Variants in CGNL1 observed in about 807,000 individuals in gnomAD.
CGNL1 encodes the protein cingulin like 1, also known as cingulin-like protein 1.
Under a neutral mutation model 141.2 loss-of-function variants are expected in CGNL1, and 132 were observed. The observed-to-expected ratio is 0.93, with a 90% CI of 0.81 to 1.08. The LOEUF (loss-of-function observed/expected upper bound fraction) is 1.08, where lower values mean the gene tolerates loss of function less well. CGNL1 is among the 50% of genes least tolerant of loss of function. The pLI, the probability that CGNL1 is intolerant of heterozygous loss-of-function variation, is 0.00. For missense variants in CGNL1, 1,870 were observed against 1,588.6 expected (o/e 1.18, Z -3.01); for synonymous variants, 690 against 622.1 (o/e 1.11, Z -1.63).
At position 57,547,816 on chromosome 15, in the gene CGNL1, C is replaced by T. The variant is rs1242828512; in HGVS notation, c.*326C>T. 7.2e-6 allele frequency: 2 copies of T among 277,788 alleles called. No homozygotes were observed. The highest frequency in any genetic ancestry group is 1.3e-5 in the Non-Finnish European group (2 of 148,522). 17.2% of individuals were successfully genotyped at this position (277,788 alleles called of 1,614,324 possible). ...CTGTCCCTGCCCCCTCATCACTCCC[C>T]CTGCCAAGACAAAGGGTCCAGAAGG... On this transcript the variant is annotated 3_prime_UTR_variant, in exon 19 of 19. Transcript: ENST00000281282.
At chr15:57,450,818 T>A (rs2063313153) in intron 4 of CGNL1, among the ~76,000 whole-genome samples, 1 of 152,220 alleles carries the variant, frequency 6.6e-6, no homozygotes, top group Admixed American at 6.5e-5. Context: ...TGATATTTGC[T>A]ACTCTATCAT....
intron 1 of CGNL1, among the ~76,000 whole-genome samples, chr15:57,431,395 C>G (rs1467452270): frequency 2.0e-5 from 3 of 152,204 alleles, no homozygotes; most frequent in African/African-American, 7.2e-5. Flanking sequence ...CACTACAAAA[C>G]ACGTAGAGAG....
At chr15:57,467,525 T>C (rs1567136501) in intron 8 of CGNL1, among the ~76,000 whole-genome samples, 1 of 152,110 alleles carries the variant, frequency 6.6e-6, no homozygotes, top group African/African-American at 2.4e-5. Context: ...AGAGATCCAA[T>C]GAGTGGACCG....
At chr15:57,385,245 C>T (rs1485664258) in intron 1 of CGNL1, among the ~76,000 whole-genome samples, 3 of 152,300 alleles carry the variant, frequency 2.0e-5, no homozygotes, top group Non-Finnish European at 4.4e-5. Context: ...AAAGTAGTTT[C>T]ACCTTGGGCT....
At chr15:57,378,315 C>CCACAAATCA (rs1243327494) in intron 1 of CGNL1, among the ~76,000 whole-genome samples, 1 of 148,968 alleles carries the variant, frequency 6.7e-6, no homozygotes, top group African/African-American at 2.5e-5. Flanking sequence ...TGCTACCTGA[C>CCACAAATCA]CACAAATCAG....
Position 57,520,407 on chromosome 15 carries a change from A to C in CGNL1, c.2715+1910A>C, listed in dbSNP as rs139228759. On this transcript the variant is annotated intron_variant, in intron 10 of 18. Coordinates refer to ENST00000281282, the MANE Select transcript of CGNL1 (RefSeq NM_032866.5). The stretch of plus-strand genomic sequence containing the variant: ...TTCTCAGTCTTTGTGCTATTGGTCT[A>C]TTGCATCTTCACGTATGATAAATAG... Among the ~76,000 whole-genome samples the C allele has an allele frequency of 3.3e-5, 5 of 152,322 alleles. No homozygotes were observed. In the East Asian group the frequency reaches 9.6e-4, roughly 29 times the overall value.
chr15:57,411,420 T>G (rs1210852445), intron 1 of CGNL1, among the ~76,000 whole-genome samples: 3 of 152,006 alleles, frequency 2.0e-5, no homozygotes, highest in African/African-American at 7.2e-5. Context: ...ACTGTCCAGA[T>G]GCCACTAGTT....
intron 12 of CGNL1, 125 bp from the exon 13 acceptor site, chr15:57,528,529 G>T (rs539083041): frequency 1.5e-4 from 136 of 926,126 alleles, no homozygotes; most frequent in Middle Eastern, 7.9e-4. Flanking sequence ...AAGGTCTTCT[G>T]ATCTCCCATA....
intron 8 of CGNL1, among the ~76,000 whole-genome samples, chr15:57,483,252 A>G (rs1299109312): frequency 6.6e-6 from 1 of 152,044 alleles, no homozygotes; most frequent in Non-Finnish European, 1.5e-5. Context: ...TTGATTTTGT[A>G]TTTTCAAGCA....
intron 1 of CGNL1, among the ~76,000 whole-genome samples, chr15:57,420,867 G>A (rs565452164): frequency 2.0e-5 from 3 of 152,178 alleles, no homozygotes; most frequent in Non-Finnish European, 4.4e-5. Flanking sequence ...TGAATGTTTG[G>A]TGGCTCCATG....
intron 7 of CGNL1, among the ~76,000 whole-genome samples, chr15:57,459,028 A>C (rs2063414234): frequency 6.6e-6 from 1 of 152,174 alleles, no homozygotes; most frequent in Admixed American, 6.5e-5. Flanking sequence ...GTTGTCGGTT[A>C]TACTTAAATC....
intron 8 of CGNL1, among the ~76,000 whole-genome samples, chr15:57,504,328 A>G (rs1478842046): frequency 6.6e-6 from 1 of 152,184 alleles, no homozygotes; most frequent in Non-Finnish European, 1.5e-5. Context: ...TGCATGGTTG[A>G]TGGGCGGCTG....
intron 8 of CGNL1, among the ~76,000 whole-genome samples, chr15:57,478,859 G>A (rs1386085022): frequency 3.3e-5 from 5 of 152,062 alleles, no homozygotes; most frequent in African/African-American, 4.8e-5. Context: ...TGTTGGTATC[G>A]AACTCCTGGG....
intron 8 of CGNL1, among the ~76,000 whole-genome samples, chr15:57,491,032 A>G (rs1448958148): frequency 2.0e-5 from 3 of 152,188 alleles, no homozygotes; most frequent in Non-Finnish European, 4.4e-5. Flanking sequence ...CTGAGGAGCT[A>G]TGATGACCGA....
At chr15:57,489,566 C>T (rs1278645792) in intron 8 of CGNL1, among the ~76,000 whole-genome samples, 1 of 152,156 alleles carries the variant, frequency 6.6e-6, no homozygotes, top group Non-Finnish European at 1.5e-5. Context: ...AAGTCTATGA[C>T]TCATTTTGAA....
Position 57,528,546 on chromosome 15 carries a change from G to A in CGNL1, c.3040-108G>A. On this transcript the variant is annotated intron_variant, in intron 12 of 18. Coordinates refer to ENST00000281282, the MANE Select transcript of CGNL1 (RefSeq NM_032866.5). ...GGTCTTCTGATCTCCCATATTGTGG[G>A]AGTCCAGCTGATCTTCCTTTTGGTG... 4.6e-6 allele frequency: 5 copies of A among 1,083,880 alleles called. No homozygotes were observed. In the South Asian group the frequency reaches 7.5e-5, roughly 16 times the overall value. 67.1% of individuals were successfully genotyped at this position (1,083,880 alleles called of 1,614,324 possible).
In CGNL1 at chr15:57,524,680, C is replaced by T; in HGVS notation, c.2968C>T (p.Gln990Ter). 2 of 1,614,168 alleles carry T rather than the reference C, an allele frequency of 1.2e-6. No homozygotes were observed. Among genetic ancestry groups the T allele is most frequent in the Non-Finnish European group, 1.7e-6 (2 of 1,180,032 alleles). Residue 990 changes from glutamine to a stop codon, truncating the protein, a stop_gained, in exon 12 of 19, where the codon CAA (glutamine) becomes TAA (stop). Transcript: ENST00000281282. LOFTEE classifies it high-confidence loss of function. ...AAACCGCAGGGAGCTCGCAGAAATGCAAAGACAGTTGAAGGAGAAAACGCT... is the reference window on the plus strand; with the variant it reads ...AAACCGCAGGGAGCTCGCAGAAATGTAAAGACAGTTGAAGGAGAAAACGCT... ...EKNRRELAEM[Q>*]RQLKEKTLEA...
chr15:57,465,935 G>A (rs1231694120), intron 8 of CGNL1, among the ~76,000 whole-genome samples: 1 of 152,180 alleles, frequency 6.6e-6, no homozygotes, highest in Non-Finnish European at 1.5e-5. Flanking sequence ...CTGTAATAGT[G>A]TATTTTGTAA....
At chr15:57,503,424 A>G (rs1191868103) in intron 8 of CGNL1, among the ~76,000 whole-genome samples, 12 of 152,116 alleles carry the variant, frequency 7.9e-5, no homozygotes, top group African/African-American at 2.9e-4. Context: ...TGACCTGGCT[A>G]GGGGTGGAGG....
Sources: gnomAD v4.1 joint callset for allele counts (sites outside exome capture counted in the v4.1 genomes callset) on GRCh38, gnomAD v4.1.1 for gene constraint, MANE v1.5 for transcripts, NCBI Gene and HGNC (gene_info 2026-07-23, HGNC 2026-07-21) for gene names.